Variants in CNTNAP2 observed in about 807,000 individuals in gnomAD.
CNTNAP2 encodes the protein contactin-associated protein-like 2.
In CNTNAP2, 98 loss-of-function variants were observed where a neutral mutation model predicts 155.2. The ratio of observed to expected loss-of-function variants is 0.63; its 90% CI spans 0.54 to 0.75. The LOEUF (loss-of-function observed/expected upper bound fraction) is 0.75. Among genes scored for constraint, CNTNAP2 ranks in the 30% least tolerant of loss-of-function variants. The probability of loss-of-function intolerance (pLI) is 0.00; values close to 1 mark genes in which losing one functional copy is unlikely to be tolerated. For missense variants in CNTNAP2, 1,727 were observed against 1,688.1 expected, an observed-to-expected ratio of 1.02 and a Z score of -0.40; for synonymous variants, 651 against 631.2, an observed-to-expected ratio of 1.03 and a Z score of -0.47.
chr7:146,230,539 T>C (rs969673561), intron 1 of CNTNAP2, among the ~76,000 whole-genome samples: 3 of 152,306 alleles, frequency 2.0e-5, no homozygotes, highest in East Asian at 3.9e-4. Context: ...AGAATGCAAG[T>C]CAATAGAAAA....
chr7:147,933,392 T>A (rs894002700), intron 14 of CNTNAP2, among the ~76,000 whole-genome samples: 3 of 151,986 alleles, frequency 2.0e-5, no homozygotes, highest in Non-Finnish European at 4.4e-5. Context: ...GCAGCAATAT[T>A]CACAGTAGCC....
At chr7:147,816,930 T>C (rs1035800338) in intron 13 of CNTNAP2, among the ~76,000 whole-genome samples, 4 of 152,208 alleles carry the variant, frequency 2.6e-5, no homozygotes, top group East Asian at 3.9e-4. Flanking sequence ...ACTTATTTTT[T>C]CTCTTAAGAT....
chr7:147,463,511 T>TAGAGATAAAAC (rs1798061295), intron 10 of CNTNAP2, among the ~76,000 whole-genome samples: 1 of 152,134 alleles, frequency 6.6e-6, no homozygotes, highest in Admixed American at 6.5e-5. Context: ...GAGAGTAAAA[T>TAGAGATAAAAC]AGAGATAAAA....
chr7:146,720,710 T>G (rs1585057260), intron 1 of CNTNAP2, among the ~76,000 whole-genome samples: 1 of 151,836 alleles, frequency 6.6e-6, no homozygotes, highest in Non-Finnish European at 1.5e-5. Context: ...TATTATAGAT[T>G]GTATGTCTGT....
intron 2 of CNTNAP2, among the ~76,000 whole-genome samples, chr7:146,821,454 G>A (rs988324113): frequency 2.6e-5 from 4 of 152,030 alleles, no homozygotes; most frequent in Admixed American, 2.0e-4. Context: ...GAAATTCTGG[G>A]TTGAAAATTC....
At chr7:148,050,750 C>T (rs1314609168) in intron 15 of CNTNAP2, among the ~76,000 whole-genome samples, 1 of 152,194 alleles carries the variant, frequency 6.6e-6, no homozygotes, top group Non-Finnish European at 1.5e-5. Flanking sequence ...GTGCCCTATA[C>T]AGGTGTGCCA....
chr7:147,435,778 G>T (rs1028109842), intron 10 of CNTNAP2, among the ~76,000 whole-genome samples: 1 of 151,994 alleles, frequency 6.6e-6, no homozygotes, highest in African/African-American at 2.4e-5. Flanking sequence ...ATATTCTTAG[G>T]GCCATGGTGT....
At chr7:146,567,719 T>A (rs983058297) in intron 1 of CNTNAP2, among the ~76,000 whole-genome samples, 6 of 152,114 alleles carry the variant, frequency 3.9e-5, no homozygotes, top group Admixed American at 1.3e-4. Flanking sequence ...GATATAATTT[T>A]AACTTAAAAC....
intron 1 of CNTNAP2, among the ~76,000 whole-genome samples, chr7:146,551,552 G>A (rs917150393): frequency 1.3e-5 from 2 of 151,636 alleles, no homozygotes; most frequent in African/African-American, 2.4e-5. Flanking sequence ...TGGACATTTG[G>A]GTTGGTTCCA....
At chr7:147,559,595 A>C (rs1800019618) in intron 11 of CNTNAP2, among the ~76,000 whole-genome samples, 1 of 152,204 alleles carries the variant, frequency 6.6e-6, no homozygotes, top group Non-Finnish European at 1.5e-5. Flanking sequence ...CAGAAGAAAA[A>C]GACAATGATT....
At chr7:147,908,952 T>C (rs1347441716) in intron 14 of CNTNAP2, among the ~76,000 whole-genome samples, 1 of 152,204 alleles carries the variant, frequency 6.6e-6, no homozygotes, top group East Asian at 1.9e-4. Context: ...AAATAGATAG[T>C]ATAGTACTTC....
At chr7:148,031,520 G>A (rs1260244006) in intron 15 of CNTNAP2, among the ~76,000 whole-genome samples, 7 of 152,144 alleles carry the variant, frequency 4.6e-5, no homozygotes, top group African/African-American at 1.7e-4. Context: ...ATTTTCTTTA[G>A]TATTTGGTAG....
At chr7:146,684,278 G>A (rs970386044) in intron 1 of CNTNAP2, among the ~76,000 whole-genome samples, 1 of 152,144 alleles carries the variant, frequency 6.6e-6, no homozygotes, top group Admixed American at 6.5e-5. Context: ...TCACGAGGAA[G>A]TGTCAGGGCA....
intron 3 of CNTNAP2, among the ~76,000 whole-genome samples, chr7:146,844,355 AT>A (rs1803802145): frequency 6.6e-6 from 1 of 152,090 alleles, no homozygotes; most frequent in Non-Finnish European, 1.5e-5. Flanking sequence ...AATTCTTTAT[AT>A]TTTACAATAT....
chr7:146,302,025 G>A (rs1312759938), intron 1 of CNTNAP2, among the ~76,000 whole-genome samples: 1 of 152,110 alleles, frequency 6.6e-6, no homozygotes, highest in Admixed American at 6.6e-5. Flanking sequence ...ATGGGAGTCT[G>A]TTTTCCACAA....
chr7:147,177,621 A>T (rs1173791300), intron 8 of CNTNAP2, among the ~76,000 whole-genome samples: 1 of 152,308 alleles, frequency 6.6e-6, no homozygotes, highest in East Asian at 1.9e-4. Flanking sequence ...TTAAGATAAT[A>T]TTCCTTTCTC....
intron 13 of CNTNAP2, among the ~76,000 whole-genome samples, chr7:147,903,270 T>G (rs557734551): frequency 6.6e-6 from 1 of 152,218 alleles, no homozygotes; most frequent in Admixed American, 6.5e-5. Context: ...CTTTTGTATA[T>G]CTTATTTTGA....
chr7:147,546,635 A>T (rs886881873), intron 11 of CNTNAP2, among the ~76,000 whole-genome samples: 13 of 152,194 alleles, frequency 8.5e-5, no homozygotes, highest in African/African-American at 3.1e-4. Flanking sequence ...ACTCAATATG[A>T]TTTGTGTGAC....
chr7:146,712,300 T>C (rs1228313731), intron 1 of CNTNAP2, among the ~76,000 whole-genome samples: 18 of 126,636 alleles, frequency 1.4e-4, no homozygotes, highest in African/African-American at 5.7e-4. Context: ...ATATCTTATG[T>C]ATACTATATA....
Sources: allele counts gnomAD v4.1 joint callset (sites outside exome capture counted in the v4.1 genomes callset), GRCh38; gene constraint gnomAD v4.1.1; transcripts MANE v1.5; gene names NCBI Gene and HGNC (gene_info 2026-07-23, HGNC 2026-07-21).